SAXO1: variants seen among roughly 807,000 people sequenced by gnomAD.
SAXO1 encodes 4930500O09Rik.
In SAXO1, 21 loss-of-function variants were observed where a neutral mutation model predicts 17.5. That is an observed-to-expected ratio of 1.20 (90% CI 0.85 to 1.72). The LOEUF is 1.72. Among genes scored for constraint, SAXO1 ranks in the 40% most tolerant of loss-of-function variants. SAXO1 has a pLI of 0.00. For synonymous variants in SAXO1, 274 were observed against 216.5 expected, an observed-to-expected ratio of 1.27 and a Z score of -2.33; for missense variants, 843 against 596.0, an observed-to-expected ratio of 1.41 and a Z score of -4.32.
intron 3 of SAXO1, among the ~76,000 whole-genome samples, chr9:18,938,825 T>TGTGTGTGTGC (rs1554667846): frequency 2.6e-5 from 2 of 77,750 alleles, no homozygotes; most frequent in Non-Finnish European, 6.1e-5. Context: ...TGCGTGCGTG[T>TGTGTGTGTGC]GTGTGTGTGT....
At chr9:18,977,458 G>A (rs749556854) in intron 1 of SAXO1, among the ~76,000 whole-genome samples, 23 of 152,158 alleles carry the variant, frequency 1.5e-4, no homozygotes, top group Non-Finnish European at 2.8e-4. Flanking sequence ...CATAGGAGGT[G>A]TCTAAGGCTT....
At chr9:18,992,386 T>C (rs542188716) in intron 1 of SAXO1, among the ~76,000 whole-genome samples, 257 of 152,368 alleles carry the variant, frequency 1.7e-3, no homozygotes, top group South Asian at 2.5e-3. Context: ...CCTCTGTCCA[T>C]GTCTGTCTTA....
At chr9:18,975,350 T>C (rs951545232) in intron 1 of SAXO1, among the ~76,000 whole-genome samples, 8 of 152,180 alleles carry the variant, frequency 5.3e-5, no homozygotes, top group Non-Finnish European at 1.0e-4. Context: ...CCTTGCCCTC[T>C]TAGGGACGAT....
chr9:18,990,367 T>C (rs1473326042), intron 1 of SAXO1, among the ~76,000 whole-genome samples: 1 of 152,190 alleles, frequency 6.6e-6, no homozygotes, highest in Non-Finnish European at 1.5e-5. Flanking sequence ...AGATTTGACT[T>C]GCTTGTTGCT....
intron 1 of SAXO1, among the ~76,000 whole-genome samples, chr9:19,028,282 A>G (rs1030830552): frequency 6.6e-6 from 1 of 152,200 alleles, no homozygotes; most frequent in Non-Finnish European, 1.5e-5. Context: ...AGGCTGAGGC[A>G]GGAGAATCGC....
chr9:18,940,001 AG>A (rs1427011905), intron 3 of SAXO1, among the ~76,000 whole-genome samples: 1 of 152,120 alleles, frequency 6.6e-6, no homozygotes, highest in Admixed American at 6.5e-5. Context: ...AAACAGGATT[AG>A]GGCTTTGCTA....
chr9:19,011,143 C>T (rs10757018), intron 1 of SAXO1, among the ~76,000 whole-genome samples: 72,136 of 152,068 alleles, frequency 0.47, 18,188 homozygotes, highest in Non-Finnish European at 0.57. Flanking sequence ...ATTCTACTTA[C>T]CCTAATAGCA....
At chr9:18,974,938 C>T (rs1001607538) in intron 1 of SAXO1, among the ~76,000 whole-genome samples, 1 of 152,080 alleles carries the variant, frequency 6.6e-6, no homozygotes, top group Non-Finnish European at 1.5e-5. Flanking sequence ...TAATCAAATA[C>T]AAAGGGAACA....
chr9:19,041,720 C>T (rs1164923128), intron 1 of SAXO1, among the ~76,000 whole-genome samples: 1 of 152,138 alleles, frequency 6.6e-6, no homozygotes, highest in Non-Finnish European at 1.5e-5. Flanking sequence ...ATAAATAGTG[C>T]TGGAAAAACT....
chr9:18,934,656 G>C (rs1214491564), intron 3 of SAXO1, among the ~76,000 whole-genome samples: 1 of 152,164 alleles, frequency 6.6e-6, no homozygotes, highest in Non-Finnish European at 1.5e-5. Flanking sequence ...TCCAACATCT[G>C]GGCTCCTGCA....
intron 1 of SAXO1, among the ~76,000 whole-genome samples, chr9:18,992,149 A>T (rs1235143875): frequency 2.6e-5 from 4 of 152,200 alleles, no homozygotes; most frequent in Non-Finnish European, 4.4e-5. Context: ...ATTCCCCACT[A>T]CATATCACTT....
chr9:19,041,269 TA>T (rs1184551052), intron 1 of SAXO1, among the ~76,000 whole-genome samples: 2 of 149,560 alleles, frequency 1.3e-5, no homozygotes, highest in African/African-American at 4.9e-5. Flanking sequence ...ATGAAAACTA[TA>T]AAACACTGAT....
chr9:18,942,486 T>C (rs1728526244), intron 2 of SAXO1, among the ~76,000 whole-genome samples: 1 of 152,154 alleles, frequency 6.6e-6, no homozygotes, highest in South Asian at 2.1e-4. Context: ...TGCCACCTTC[T>C]CTGTGTTCCC....
At chr9:18,962,839 T>C (rs1026702444) in intron 1 of SAXO1, among the ~76,000 whole-genome samples, 1 of 152,272 alleles carries the variant, frequency 6.6e-6, no homozygotes, top group Non-Finnish European at 1.5e-5. Flanking sequence ...TTTGTCGCCA[T>C]TGCTTTTGGT....
At chr9:18,938,584 C>T (rs905770166) in intron 3 of SAXO1, among the ~76,000 whole-genome samples, 1 of 152,028 alleles carries the variant, frequency 6.6e-6, no homozygotes, top group Non-Finnish European at 1.5e-5. Flanking sequence ...TCACCTCTCA[C>T]CAGGCCCCAC....
intron 1 of SAXO1, among the ~76,000 whole-genome samples, chr9:19,019,230 G>A (rs573480007): frequency 9.9e-5 from 15 of 152,078 alleles, no homozygotes; most frequent in South Asian, 4.1e-4. Context: ...TTTCAAGTCC[G>A]ATGATCATAT....
At chr9:18,935,233 A>G (rs1831233706) in intron 3 of SAXO1, among the ~76,000 whole-genome samples, 1 of 152,228 alleles carries the variant, frequency 6.6e-6, no homozygotes, top group South Asian at 2.1e-4. Flanking sequence ...TCACTCTGTC[A>G]GCATAGTTTA....
chr9:18,956,162 G>A (rs147638958), intron 1 of SAXO1, among the ~76,000 whole-genome samples: 2,424 of 148,440 alleles, frequency 0.016, 77 homozygotes, highest in African/African-American at 0.057. Context: ...TGTTGCCCAG[G>A]CTGGTCTCAA....
chr9:18,931,877 GT>G (rs1469015970), intron 3 of SAXO1, among the ~76,000 whole-genome samples: 4 of 152,162 alleles, frequency 2.6e-5, no homozygotes. Context: ...TTCTTATTGA[GT>G]TATAGAATTC....
Sources: gnomAD v4.1 joint callset for allele counts (sites outside exome capture counted in the v4.1 genomes callset) on GRCh38, gnomAD v4.1.1 for gene constraint, MANE v1.5 for transcripts, NCBI Gene and HGNC (gene_info 2026-07-23, HGNC 2026-07-21) for gene names.